Variants in MITF observed in about 807,000 individuals in gnomAD.
MITF encodes the protein melanocyte inducing transcription factor, also known as microphthalmia-associated transcription factor.
A neutral mutation model predicts 60.5 loss-of-function variants in MITF; 17 were observed. That is an observed-to-expected ratio of 0.28 (90% CI 0.19 to 0.42). MITF has a LOEUF of 0.42. MITF is among the 10% of genes least tolerant of loss of function. The pLI, the probability that MITF is intolerant of heterozygous loss-of-function variation, is 1.00. For missense variants in MITF, 622 were observed against 683.5 expected (o/e 0.91, Z 1.00); for synonymous variants, 260 against 248.5 (o/e 1.05, Z -0.43).
At chr3:69,771,160 A>G (rs1559620140) in intron 1 of MITF, among the ~76,000 whole-genome samples, 1 of 151,994 alleles carries the variant, frequency 6.6e-6, no homozygotes, top group Non-Finnish European at 1.5e-5. Context: ...GTTGCTATGT[A>G]TGAGACAGCC....
intron 2 of MITF, among the ~76,000 whole-genome samples, chr3:69,902,865 A>C (rs888614875): frequency 3.3e-5 from 5 of 151,622 alleles, no homozygotes; most frequent in Non-Finnish European, 1.5e-5. Flanking sequence ...TTTTTAAGGT[A>C]AAATGCAGAA....
At chr3:69,798,686 G>T (rs1428321487) in intron 1 of MITF, among the ~76,000 whole-genome samples, 1 of 152,170 alleles carries the variant, frequency 6.6e-6, no homozygotes, top group Non-Finnish European at 1.5e-5. Context: ...TCTGGCCTTT[G>T]CCAACCTCCC....
chr3:69,922,454 T>C (rs990446728), intron 2 of MITF, among the ~76,000 whole-genome samples: 1 of 152,160 alleles, frequency 6.6e-6, no homozygotes, highest in East Asian at 1.9e-4. Context: ...TCTCTTGACG[T>C]TGTGATCCAC....
At chr3:69,752,125 A>G (rs564685918) in intron 1 of MITF, 7 of 152,312 alleles carry the variant, frequency 4.6e-5, no homozygotes, top group South Asian at 4.1e-4. Flanking sequence ...TAATCAGCCC[A>G]TGGAACCATG....
At chr3:69,831,512 G>A (rs1180639946) in intron 1 of MITF, among the ~76,000 whole-genome samples, 2 of 152,156 alleles carry the variant, frequency 1.3e-5, no homozygotes, top group Non-Finnish European at 2.9e-5. Flanking sequence ...CTAGATAGCA[G>A]TAGGTAACTA....
intron 1 of MITF, among the ~76,000 whole-genome samples, chr3:69,826,639 T>C (rs2063359349): frequency 6.6e-6 from 1 of 152,180 alleles, no homozygotes. Flanking sequence ...TCTAGTTCTT[T>C]ATGTTCATGA....
intron 1 of MITF, among the ~76,000 whole-genome samples, chr3:69,822,903 G>GTT (rs201176630): frequency 4.8e-4 from 69 of 144,142 alleles, no homozygotes; most frequent in East Asian, 3.0e-3. Context: ...TTTGGTGTTT[G>GTT]TTTTTTTTTT....
At chr3:69,759,063 A>T (rs986839588) in intron 1 of MITF, among the ~76,000 whole-genome samples, 3 of 152,226 alleles carry the variant, frequency 2.0e-5, no homozygotes, top group African/African-American at 7.2e-5. Context: ...TTTTTGTTTT[A>T]TAAAGCTGCT....
intron 2 of MITF, among the ~76,000 whole-genome samples, chr3:69,889,480 A>G (rs1221731169): frequency 1.3e-5 from 2 of 151,312 alleles, no homozygotes; most frequent in Non-Finnish European, 2.9e-5. Context: ...ACTCTCACTA[A>G]AAATAGTAAA....
At chr3:69,888,755 T>C (rs192204994) in intron 2 of MITF, among the ~76,000 whole-genome samples, 1 of 152,244 alleles carries the variant, frequency 6.6e-6, no homozygotes, top group Non-Finnish European at 1.5e-5. Context: ...CCTCTTGTTT[T>C]TGTGTTTTTA....
chr3:69,894,129 A>G lies in MITF; in HGVS notation c.354+14746A>G, dbSNP rs534781703. On this transcript the variant is annotated intron_variant, in intron 2 of 9. Transcript: ENST00000352241. ...GGAGTGACCATATATGATTTTATTA[A>G]CTGTTCACTTTTGAAAGCCTTATTA... 9.8e-5 allele frequency among the ~76,000 whole-genome samples: 15 copies of G among 152,330 alleles called. No individual in the cohort carries two copies. The East Asian group carries it at 2.3e-3, about 23-fold the overall frequency.
At chr3:69,794,223 CTA>C (rs1188467436) in intron 1 of MITF, among the ~76,000 whole-genome samples, 1 of 152,082 alleles carries the variant, frequency 6.6e-6, no homozygotes. Flanking sequence ...AAAAGGTGAG[CTA>C]TATATATAAT....
chr3:69,766,946 G>C (rs1232857832), intron 1 of MITF, among the ~76,000 whole-genome samples: 6 of 152,234 alleles, frequency 3.9e-5, no homozygotes, highest in South Asian at 4.2e-4. Context: ...AATATTCTAT[G>C]ATGTTTCTTG....
intron 7 of MITF, among the ~76,000 whole-genome samples, 175 bp downstream of exon 7, chr3:69,952,061 C>A (rs572664602): frequency 6.6e-6 from 1 of 152,220 alleles, no homozygotes; most frequent in African/African-American, 2.4e-5. Context: ...CATATTTTAT[C>A]TCAGATCAAA....
chr3:69,748,762 T>A (rs1703823162), intron 1 of MITF, among the ~76,000 whole-genome samples: 1 of 152,232 alleles, frequency 6.6e-6, no homozygotes, highest in African/African-American at 2.4e-5. Flanking sequence ...ATTCATCAGT[T>A]TTCCCATGTG....
At chr3:69,786,721 G>A (rs2062655607) in intron 1 of MITF, among the ~76,000 whole-genome samples, 1 of 152,080 alleles carries the variant, frequency 6.6e-6, no homozygotes, top group African/African-American at 2.4e-5. Context: ...GTTATCTGGG[G>A]CATACATCCG....
At chr3:69,894,756 T>A (rs567244708) in intron 2 of MITF, among the ~76,000 whole-genome samples, 31 of 152,320 alleles carry the variant, frequency 2.0e-4, no homozygotes, top group African/African-American at 7.2e-4. Flanking sequence ...TTAATTTTTT[T>A]ATTCATTTGT....
At chr3:69,885,177 G>T (rs959892760) in intron 2 of MITF, among the ~76,000 whole-genome samples, 2 of 152,082 alleles carry the variant, frequency 1.3e-5, no homozygotes, top group African/African-American at 4.8e-5. Flanking sequence ...TGGCAGATAC[G>T]CAACATGGCG....
intron 1 of MITF, among the ~76,000 whole-genome samples, chr3:69,744,128 T>C (rs1296873449): frequency 1.3e-5 from 2 of 152,210 alleles, no homozygotes; most frequent in African/African-American, 2.4e-5. Context: ...TGTGTGAACT[T>C]TTAAAGGTTT....
Sources: gnomAD v4.1 joint callset for allele counts (sites outside exome capture counted in the v4.1 genomes callset) on GRCh38, gnomAD v4.1.1 for gene constraint, MANE v1.5 for transcripts, NCBI Gene and HGNC (gene_info 2026-07-23, HGNC 2026-07-21) for gene names.